The following SNAPC3 variants were observed in gnomAD, a reference collection of about 807,000 sequenced individuals.
SNAPC3 encodes snRNA-activating protein complex subunit 3.
In SNAPC3, 56 loss-of-function variants were observed where a neutral mutation model predicts 47.7. The ratio of observed to expected loss-of-function variants is 1.18; its 90% CI spans 0.95 to 1.47. The LOEUF is 1.47. SNAPC3 is among the 40% of genes most tolerant of loss of function. SNAPC3 has a pLI of 0.00. For synonymous variants in SNAPC3, 235 were observed against 189.9 expected (o/e 1.24, Z -1.95); for missense variants, 665 against 511.3 (o/e 1.30, Z -2.90).
At chr9:15,450,777 G>A (rs1200428724) in intron 5 of SNAPC3, among the ~76,000 whole-genome samples, 1 of 152,190 alleles carries the variant, frequency 6.6e-6, no homozygotes, top group Non-Finnish European at 1.5e-5. Context: ...AGGATTGAGA[G>A]CCACTCCTTT....
intron 3 of SNAPC3, among the ~76,000 whole-genome samples, chr9:15,442,840 A>G (rs1246893769): frequency 6.6e-6 from 1 of 152,172 alleles, no homozygotes; most frequent in Non-Finnish European, 1.5e-5. Context: ...TGGAGGTTGT[A>G]GCAAGCCGAG....
rs1488539343 is a variant in SNAPC3 at position 15,436,204 on chromosome 9, GTTTATC to G, written c.477+2572_477+2577del. Among the ~76,000 whole-genome samples the G allele has an allele frequency of 2.0e-5, 3 of 152,144 alleles. No individual in the cohort carries two copies. In the East Asian group the frequency reaches 5.8e-4, roughly 29 times the overall value. ...AAGTTTTTAAATTTGATGAAGTCTA[GTTTATC>G]TTTTTCTTTTGTTGTCCTTGCTTTT... On this transcript the variant is annotated intron_variant, in intron 3 of 8. Coordinates refer to ENST00000380821, the MANE Select transcript of SNAPC3 (RefSeq NM_001039697.2).
At chr9:15,465,722 A>C (rs1001310348), downstream of SNAPC3, 20 of 612,708 alleles carry the variant, frequency 3.3e-5, no homozygotes, top group African/African-American at 3.8e-4. Flanking sequence ...ACTTGTTATT[A>C]GAACAGTCAT....
chr9:15,455,002 A>G (rs941410229), intron 7 of SNAPC3, among the ~76,000 whole-genome samples: 1 of 152,194 alleles, frequency 6.6e-6, no homozygotes, highest in African/African-American at 2.4e-5. Flanking sequence ...ATAGCTACAA[A>G]ACAAAATGTC....
At chr9:15,427,652 G>A (rs2031593824) in intron 2 of SNAPC3, among the ~76,000 whole-genome samples, 1 of 152,154 alleles carries the variant, frequency 6.6e-6, no homozygotes, top group Non-Finnish European at 1.5e-5. Flanking sequence ...CAGCCCTTCA[G>A]CAACATTACT....
At chr9:15,446,522 A>G (rs1449945280) in intron 4 of SNAPC3, among the ~76,000 whole-genome samples, 1 of 152,132 alleles carries the variant, frequency 6.6e-6, no homozygotes, top group East Asian at 1.9e-4. Context: ...ATGCTATTCT[A>G]ATTTATGGAG....
At chr9:15,452,986 G>T in intron 6 of SNAPC3, 55 bp from the exon 7 acceptor site, 1 of 1,425,824 alleles carries the variant, frequency 7.0e-7, no homozygotes, top group South Asian at 1.3e-5. Context: ...ACTGTTTTCT[G>T]TAGTTTTTAA....
At chr9:15,465,857 G>T, downstream of SNAPC3, 1 of 327,362 alleles carries the variant, frequency 3.1e-6, no homozygotes. Flanking sequence ...ATCATTTCTA[G>T]CATAAAAGTG....
intron 2 of SNAPC3, among the ~76,000 whole-genome samples, chr9:15,432,221 T>A (rs2032250904): frequency 6.6e-6 from 1 of 152,212 alleles, no homozygotes. Context: ...GGTTTTAGTT[T>A]GGGATCAGAA....
At position 15,422,966 on chromosome 9, in the gene SNAPC3, T is replaced by C. The variant is rs1419799405; in HGVS notation, c.87T>C (p.Phe29=). Residue 29 remains phenylalanine, a synonymous_variant, in exon 1 of 9, where the codon TTT becomes TTC. Coordinates refer to ENST00000380821, the MANE Select transcript of SNAPC3 (RefSeq NM_001039697.2). ...TCTCCGGCAGTGGCGGCTGCAACTT[T>C]CCAGAGTATGAGCTTCCCGAGCTAA... The part of the protein sequence containing the change: ...DPVSGSGGCN[F]PEYELPELNT... The C allele has an allele frequency of 2.6e-6, 4 of 1,541,768 alleles. No individual in the cohort carries two copies. The highest frequency in any genetic ancestry group is 2.4e-5 in the East Asian group (1 of 40,818).
intron 8 of SNAPC3, among the ~76,000 whole-genome samples, chr9:15,458,724 CA>C (rs1482997981): frequency 2.6e-5 from 4 of 151,914 alleles, no homozygotes; most frequent in African/African-American, 9.7e-5. Context: ...GCCTGGAGAC[CA>C]GCCTGGACAA....
chr9:15,459,728 G>C lies in SNAPC3; in HGVS notation c.1098G>C (p.Thr366=), dbSNP rs113748924. ...TTTTTAAAAACTACAGATGGGTGAC[G>C]AACAATGACAGTTTTGCACCAGAGG... ...VCKMYTARWV[T]NNDSFAPEDP... The change falls in exon 9 of 9, where the codon ACG becomes ACC. Residue 366 remains threonine (T), a synonymous_variant. Transcript: ENST00000380821. 3.5e-4 allele frequency: 559 copies of C among 1,612,268 alleles called. 3 individuals carry two copies. In the African/African-American group the frequency reaches 6.2e-3, roughly 18 times the overall value.
At chr9:15,455,521 C>G (rs1293856318) in intron 7 of SNAPC3, among the ~76,000 whole-genome samples, 3 of 151,964 alleles carry the variant, frequency 2.0e-5, no homozygotes, top group African/African-American at 7.3e-5. Context: ...GAGCCAAGAT[C>G]GTGCCATTGC....
intron 8 of SNAPC3, among the ~76,000 whole-genome samples, chr9:15,458,978 T>C (rs532893559): frequency 6.6e-6 from 1 of 152,322 alleles, no homozygotes; most frequent in Admixed American, 6.5e-5. Flanking sequence ...AATCTGCAAT[T>C]TGAAATACTT....
At chr9:15,454,919 G>A (rs1006957223) in intron 7 of SNAPC3, among the ~76,000 whole-genome samples, 2 of 152,144 alleles carry the variant, frequency 1.3e-5, no homozygotes, top group African/African-American at 2.4e-5. Context: ...GGGTGACAGA[G>A]CAAGACTCCA....
chr9:15,434,278 G>T (rs1259077313), intron 3 of SNAPC3, among the ~76,000 whole-genome samples: 1 of 151,960 alleles, frequency 6.6e-6, no homozygotes, highest in Admixed American at 6.6e-5. Context: ...TTCCATACCT[G>T]TTAAGCAATA....
chr9:15,458,905 C>CA (rs1208359623), intron 8 of SNAPC3, among the ~76,000 whole-genome samples: 4 of 152,088 alleles, frequency 2.6e-5, no homozygotes, highest in Non-Finnish European at 4.4e-5. Context: ...TTTTGGATTT[C>CA]AAATTCTCAG....
At chr9:15,465,355 T>C, downstream of SNAPC3, 1 of 603,394 alleles carries the variant, frequency 1.7e-6, no homozygotes, top group Non-Finnish European at 2.9e-6. Context: ...CAAGTACACT[T>C]AGCGATAATG....
At chr9:15,465,557 GTCTC>G (rs748249493), downstream of SNAPC3, 71 of 1,585,666 alleles carry the variant, frequency 4.5e-5, no homozygotes, top group Non-Finnish European at 6.0e-5. Flanking sequence ...AGATATTTCA[GTCTC>G]TCTCTCTTCA....
Sources: gnomAD v4.1 joint callset for allele counts (sites outside exome capture counted in the v4.1 genomes callset) on GRCh38, gnomAD v4.1.1 for gene constraint, MANE v1.5 for transcripts, NCBI Gene and HGNC (gene_info 2026-07-23, HGNC 2026-07-21) for gene names.